Variants in PCSK6 observed in about 807,000 individuals in gnomAD.
PCSK6 encodes the protein proprotein convertase subtilisin/kexin type 6.
Under a neutral mutation model 123.3 loss-of-function variants are expected in PCSK6, and 85 were observed. The observed-to-expected ratio is 0.69, with a 90% CI of 0.58 to 0.83. The LOEUF is 0.83. Among genes scored for constraint, PCSK6 ranks in the 40% least tolerant of loss-of-function variants. PCSK6 has a pLI of 0.00. For synonymous variants in PCSK6, 508 were observed against 516.0 expected, an observed-to-expected ratio of 0.98 and a Z score of 0.21; for missense variants, 1,191 against 1,282.3, an observed-to-expected ratio of 0.93 and a Z score of 1.09.
intron 11 of PCSK6, among the ~76,000 whole-genome samples, chr15:101,375,982 C>T (rs539434594): frequency 8.4e-4 from 128 of 152,250 alleles, no homozygotes; most frequent in Non-Finnish European, 6.9e-4. Context: ...TGCAGTGAGC[C>T]GAGATCGCGC....
chr15:101,322,497 C>T (rs1232388630), intron 18 of PCSK6, 23 bp downstream of exon 18: 1 of 1,522,944 alleles, frequency 6.6e-7, no homozygotes, highest in Non-Finnish European at 9.1e-7. Context: ...CCTGACATTC[C>T]TCAGGTTTCG....
At chr15:101,362,387 GA>G (rs1434987467) in intron 13 of PCSK6, among the ~76,000 whole-genome samples, 4 of 152,254 alleles carry the variant, frequency 2.6e-5, no homozygotes, top group African/African-American at 9.6e-5. Context: ...CTGGGTGCAA[GA>G]GGGCAGGGAG....
chr15:101,393,776 G>C (rs2042310645), intron 7 of PCSK6, among the ~76,000 whole-genome samples: 1 of 152,224 alleles, frequency 6.6e-6, no homozygotes, highest in Non-Finnish European at 1.5e-5. Context: ...GGATCAAAGA[G>C]AGCTAGCAGT....
intron 12 of PCSK6, among the ~76,000 whole-genome samples, chr15:101,369,302 G>A (rs541319773): frequency 9.2e-5 from 14 of 152,362 alleles, no homozygotes; most frequent in Non-Finnish European, 1.8e-4. Context: ...GAGGGGAAGG[G>A]TTAAGCAAAG....
intron 6 of PCSK6, among the ~76,000 whole-genome samples, chr15:101,419,646 T>C (rs750255393): frequency 1.1e-4 from 17 of 151,920 alleles, no homozygotes; most frequent in Non-Finnish European, 1.9e-4. Context: ...AGAGAAAATT[T>C]GCCCTATCAG....
chr15:101,447,337 C>T (rs2056918391), intron 1 of PCSK6, among the ~76,000 whole-genome samples: 1 of 152,010 alleles, frequency 6.6e-6, no homozygotes, highest in African/African-American at 2.4e-5. Flanking sequence ...ATGAAGGACA[C>T]CTGGCTGCCC....
intron 1 of PCSK6, among the ~76,000 whole-genome samples, chr15:101,478,437 C>T (rs372169312): frequency 1.3e-5 from 2 of 152,188 alleles, no homozygotes; most frequent in African/African-American, 4.8e-5. Flanking sequence ...AGAAAATAAA[C>T]CTTCCACAGG....
At chr15:101,381,796 G>C (rs973318316) in intron 11 of PCSK6, among the ~76,000 whole-genome samples, 7 of 152,224 alleles carry the variant, frequency 4.6e-5, no homozygotes, top group African/African-American at 7.2e-5. Context: ...TGCTAAACAC[G>C]GGTAAGAATT....
chr15:101,480,564 CAG>C (rs757793504), intron 1 of PCSK6, among the ~76,000 whole-genome samples: 2 of 152,238 alleles, frequency 1.3e-5, no homozygotes, highest in Non-Finnish European at 2.9e-5. Flanking sequence ...CAGGACTAGA[CAG>C]GGGGCCTTGC....
At chr15:101,460,867 T>C (rs932021907) in intron 1 of PCSK6, among the ~76,000 whole-genome samples, 1 of 152,198 alleles carries the variant, frequency 6.6e-6, no homozygotes, top group African/African-American at 2.4e-5. Context: ...AAATACTATT[T>C]AGGACAACTC....
At chr15:101,394,141 TTTG>T (rs1423109424) in intron 7 of PCSK6, among the ~76,000 whole-genome samples, 2 of 81,518 alleles carry the variant, frequency 2.5e-5, no homozygotes, top group Non-Finnish European at 2.7e-5. Context: ...TTTTTTGTTT[TTTG>T]TTTTTTTTTT....
At chr15:101,362,513 C>A (rs771678223) in intron 13 of PCSK6, among the ~76,000 whole-genome samples, 2 of 152,036 alleles carry the variant, frequency 1.3e-5, no homozygotes, top group African/African-American at 4.8e-5. Context: ...GGGGTATGTG[C>A]GAGAGGATCA....
chr15:101,443,559 G>T lies in PCSK6; in HGVS notation c.399C>A (p.Pro133=). The change falls in exon 2 of 22, where the codon CCC becomes CCA. Residue 133 remains proline (P), a synonymous_variant. Transcript: ENST00000611716. ...AAAGCATCCGGACACTCTGTACCTGGGGGTCCATTCTGAGGAAGGTGTGAG... is the reference window on the plus strand; with the variant it reads ...AAAGCATCCGGACACTCTGTACCTGTGGGTCCATTCTGAGGAAGGTGTGAG... The part of the protein sequence containing the change: ...RGPHTFLRMD[P]QVKWLQQQEV... 1.2e-6 allele frequency: 2 copies of T among 1,608,146 alleles called. No individual in the cohort carries two copies. The highest frequency in any genetic ancestry group is 1.7e-6 in the Non-Finnish European group (2 of 1,174,560).
chr15:101,348,150 C>G lies in PCSK6; in HGVS notation c.1859-16119G>C, dbSNP rs368722509. 5.0e-4 allele frequency among the ~76,000 whole-genome samples: 73 copies of G among 145,554 alleles called. No homozygotes were observed. In the East Asian group the frequency reaches 8.0e-3, roughly 16 times the overall value. ...AGGGAAAAGCCACAACCCCCGCCCC[C>G]CCGGGGTCCCGCTGGGTCGGACCGG... On this transcript the variant is annotated intron_variant, in intron 13 of 21. Transcript: ENST00000611716.
At chr15:101,379,910 C>A (rs536080621) in intron 11 of PCSK6, among the ~76,000 whole-genome samples, 1 of 152,278 alleles carries the variant, frequency 6.6e-6, no homozygotes, top group East Asian at 1.9e-4. Flanking sequence ...GGACGTGAGG[C>A]ATGGAACTCT....
chr15:101,408,058 A>G (rs2042831893), intron 6 of PCSK6, among the ~76,000 whole-genome samples: 1 of 152,172 alleles, frequency 6.6e-6, no homozygotes, highest in Non-Finnish European at 1.5e-5. Context: ...TGGCCCAGGC[A>G]CACACAGGAA....
At chr15:101,450,487 C>T (rs1391545394) in intron 1 of PCSK6, among the ~76,000 whole-genome samples, 1 of 152,244 alleles carries the variant, frequency 6.6e-6, no homozygotes. Flanking sequence ...ATGGCTATGA[C>T]ACCCTTTGTC....
chr15:101,472,961 AT>A (rs1345557023), intron 1 of PCSK6, among the ~76,000 whole-genome samples: 6 of 152,164 alleles, frequency 3.9e-5, no homozygotes, highest in Non-Finnish European at 8.8e-5. Context: ...CTGGCTTGTG[AT>A]AGTGTGGGTC....
intron 1 of PCSK6, among the ~76,000 whole-genome samples, chr15:101,465,305 A>G (rs11634912): frequency 0.77 from 117,362 of 151,732 alleles, 45,734 homozygotes; most frequent in Non-Finnish European, 0.82. Flanking sequence ...CACAGGCCCT[A>G]AACCCGCACT....
Sources: allele counts gnomAD v4.1 joint callset (sites outside exome capture counted in the v4.1 genomes callset), GRCh38; gene constraint gnomAD v4.1.1; transcripts MANE v1.5; gene names NCBI Gene and HGNC (gene_info 2026-07-23, HGNC 2026-07-21).